Variants in AXIN1 observed in about 807,000 individuals in gnomAD.
AXIN1 encodes the protein axin 1, also known as axin-1.
In AXIN1, 30 loss-of-function variants were observed where a neutral mutation model predicts 76.4. That is an observed-to-expected ratio of 0.39 (90% CI 0.29 to 0.53). The LOEUF (loss-of-function observed/expected upper bound fraction) is 0.53, where lower values mean the gene tolerates loss of function less well. Among genes scored for constraint, AXIN1 ranks in the 20% least tolerant of loss-of-function variants. The pLI is 0.66. For missense variants in AXIN1, 1,140 were observed against 1,198.8 expected (o/e 0.95, Z 0.72); for synonymous variants, 545 against 501.4 (o/e 1.09, Z -1.16).
intron 2 of AXIN1, among the ~76,000 whole-genome samples, chr16:320,694 TATATATGC>T (rs2053421454): frequency 6.7e-6 from 1 of 149,374 alleles, no homozygotes. Flanking sequence ...TGTATATATG[TATATATGC>T]ATACGTATAT....
rs531628865 is a variant in AXIN1, at chr16:317,248, G to C, written c.879-2565C>G. Among the ~76,000 whole-genome samples, 6 of 152,326 alleles carry C rather than the reference G, an allele frequency of 3.9e-5. No individual in the cohort carries two copies. In the East Asian group the frequency reaches 1.2e-3, roughly 29 times the overall value. On this transcript the variant is annotated intron_variant, in intron 2 of 10. Coordinates refer to ENST00000262320, the MANE Select transcript of AXIN1 (RefSeq NM_003502.4). ...GGAGATGAGCGAGCACTGCGAGCTG[G>C]GGACAGCCTGTGGCGGTGCTGGGCA...
At chr16:334,165 C>T (rs1409235320) in intron 2 of AXIN1, among the ~76,000 whole-genome samples, 3 of 149,326 alleles carry the variant, frequency 2.0e-5, no homozygotes, top group Non-Finnish European at 4.4e-5. Flanking sequence ...GCACCCAGTA[C>T]CATGGCACAC....
intron 2 of AXIN1, among the ~76,000 whole-genome samples, chr16:320,960 G>C (rs568311066): frequency 6.6e-6 from 1 of 151,870 alleles, no homozygotes; most frequent in African/African-American, 2.4e-5. Flanking sequence ...GGCTGGTCTC[G>C]AACGCCTGAC....
intron 2 of AXIN1, 144 bp downstream of exon 2, chr16:346,004 A>T: frequency 3.9e-6 from 3 of 778,654 alleles, no homozygotes; most frequent in Non-Finnish European, 6.4e-6. Flanking sequence ...AAGTATCACA[A>T]ATAAGAACAG....
chr16:333,465 C>T (rs928369410), intron 2 of AXIN1, among the ~76,000 whole-genome samples: 3 of 148,900 alleles, frequency 2.0e-5, no homozygotes, highest in African/African-American at 7.4e-5. Flanking sequence ...GAAACAAATA[C>T]CATTTAAACT....
intron 4 of AXIN1, among the ~76,000 whole-genome samples, chr16:306,215 T>TA (rs964354312): frequency 1.6e-4 from 24 of 152,098 alleles, no homozygotes; most frequent in Admixed American, 1.2e-3. Context: ...CTGAACCAGT[T>TA]AGAGTGTATT....
chr16:341,674 G>A (rs2053925742), intron 2 of AXIN1, among the ~76,000 whole-genome samples: 1 of 152,234 alleles, frequency 6.6e-6, no homozygotes, highest in East Asian at 1.9e-4. Flanking sequence ...CAACCCCGGT[G>A]CGGGATCCAC....
rs200725501 is a variant in AXIN1, at chr16:287,826, A to AT, written c.*295dup. 1,696 of 506,276 alleles carry AT rather than the reference A, an allele frequency of 3.3e-3. 14 individuals carry two copies. The highest frequency in any genetic ancestry group is 0.02 in the East Asian group (576 of 29,494). The allele number at this position is 506,276 out of a possible 1,614,324, so 31.4% of individuals were successfully genotyped here. Reference sequence around the variant, plus strand: ...ACGTGCCCAAGGGAGGTGCCGGGGGATGGGGGGGGGTCACCTGAAGCTGGC... The same window carrying AT: ...ACGTGCCCAAGGGAGGTGCCGGGGGATTGGGGGGGGGTCACCTGAAGCTGGC... On this transcript the variant is annotated 3_prime_UTR_variant, in exon 11 of 11. Coordinates refer to ENST00000262320, the MANE Select transcript of AXIN1 (RefSeq NM_003502.4).
intron 2 of AXIN1, among the ~76,000 whole-genome samples, chr16:343,109 A>G (rs938265753): frequency 5.3e-5 from 8 of 151,866 alleles, no homozygotes; most frequent in Non-Finnish European, 1.0e-4. Flanking sequence ...CGCAGACACG[A>G]CTCCCAAGCC....
At position 297,157 on chromosome 16, in the gene AXIN1, C is replaced by G; in HGVS notation, c.1854G>C (p.Glu618Asp). The change falls in exon 7 of 11, where the codon GAG (glutamate) becomes GAC (aspartate). Residue 618 changes from glutamate to aspartate, a missense_variant. Glu to Asp is a conservative substitution (Grantham distance 45). Around this residue, in one of 3 missense-constraint regions of AXIN1, gnomAD observed 429 missense variants for 405.8 expected, o/e 1.06. Coordinates refer to ENST00000262320, the MANE Select transcript of AXIN1 (RefSeq NM_003502.4). ...KAESGKSAST[E>D]VPGASEDAEK... ...CCGCATCCTCCGAGGCACCTGGCAC[C>G]TCGGTGCTGGCGCTCTTCCCCGACT... 2 of 1,612,266 alleles carry G rather than the reference C, an allele frequency of 1.2e-6. No homozygotes were observed. The highest frequency in any genetic ancestry group is 1.1e-5 in the South Asian group (1 of 91,084).
chr16:333,667 G>A (rs1346858075), intron 2 of AXIN1, among the ~76,000 whole-genome samples: 5 of 150,934 alleles, frequency 3.3e-5, no homozygotes, highest in Non-Finnish European at 1.5e-5. Flanking sequence ...AAAACAGAAG[G>A]TGATGGTGCA....
chr16:340,307 C>T (rs2053891234), intron 2 of AXIN1, among the ~76,000 whole-genome samples: 1 of 152,196 alleles, frequency 6.6e-6, no homozygotes, highest in Admixed American at 6.5e-5. Flanking sequence ...ATTGACCAGC[C>T]CTATCCACAA....
At chr16:308,465 C>T (rs1446939783) in intron 4 of AXIN1, among the ~76,000 whole-genome samples, 2 of 152,352 alleles carry the variant, frequency 1.3e-5, no homozygotes, top group African/African-American at 4.8e-5. Flanking sequence ...AAAATCGGGG[C>T]ACCCCTGTGG....
chr16:294,946 C>A (rs1435981799), intron 7 of AXIN1, among the ~76,000 whole-genome samples: 1 of 149,640 alleles, frequency 6.7e-6, no homozygotes, highest in African/African-American at 2.5e-5. Context: ...CGCCTGCAGT[C>A]CCAGCTGCTC....
chr16:333,131 G>C (rs2053728380), intron 2 of AXIN1, among the ~76,000 whole-genome samples: 1 of 152,118 alleles, frequency 6.6e-6, no homozygotes, highest in South Asian at 2.1e-4. Context: ...TCGGGAGTTT[G>C]AGACCAGCCT....
At chr16:322,851 G>A (rs568877809) in intron 2 of AXIN1, among the ~76,000 whole-genome samples, 18 of 152,344 alleles carry the variant, frequency 1.2e-4, no homozygotes, top group Admixed American at 3.3e-4. Flanking sequence ...TGAGGATGGC[G>A]GGCAGTGGCC....
chr16:333,676 C>T (rs1386370498), intron 2 of AXIN1, among the ~76,000 whole-genome samples: 4 of 147,278 alleles, frequency 2.7e-5, no homozygotes, highest in Admixed American at 2.6e-4. Flanking sequence ...GGTGATGGTG[C>T]AAATTCCTCT....
intron 10 of AXIN1, 131 bp downstream of exon 10, chr16:289,309 G>A (rs901305609): frequency 1.3e-5 from 16 of 1,197,642 alleles, no homozygotes; most frequent in Admixed American, 3.6e-5. Flanking sequence ...GAGGCAATCC[G>A]CCCACCTCAG....
At chr16:299,065 C>A in intron 5 of AXIN1, 2 of 985,402 alleles carry the variant, frequency 2.0e-6, no homozygotes, top group Non-Finnish European at 2.4e-6. Context: ...CCGCGCCCGG[C>A]CTCCCATTAT....
Sources: gnomAD v4.1 joint callset for allele counts (sites outside exome capture counted in the v4.1 genomes callset) on GRCh38, gnomAD v4.1.1 for gene constraint, gnomAD v4.1.1 regional missense constraint, MANE v1.5 for transcripts, NCBI Gene and HGNC (gene_info 2026-07-23, HGNC 2026-07-21) for gene names.